The following NPHP4 variants were observed in gnomAD, a reference collection of about 807,000 sequenced individuals.
NPHP4 encodes the protein nephrocystin-4.
In NPHP4, 151 loss-of-function variants were observed where a neutral mutation model predicts 155.8. The observed-to-expected ratio is 0.97, with a 90% CI of 0.85 to 1.11. The LOEUF (loss-of-function observed/expected upper bound fraction) is 1.11, where lower values mean the gene tolerates loss of function less well. NPHP4 is among the 50% of genes least tolerant of loss of function. The probability of loss-of-function intolerance (pLI) is 0.00; values close to 1 mark genes in which losing one functional copy is unlikely to be tolerated. For synonymous variants in NPHP4, 845 were observed against 816.8 expected, an observed-to-expected ratio of 1.03 and a Z score of -0.59; for missense variants, 1,956 against 1,925.7, an observed-to-expected ratio of 1.02 and a Z score of -0.29.
intron 3 of NPHP4, among the ~76,000 whole-genome samples, chr1:5,977,745 C>T (rs1036260092): frequency 6.7e-6 from 1 of 149,054 alleles, no homozygotes; most frequent in South Asian, 2.2e-4. Context: ...ATCCACCTGC[C>T]GGTCTCAAGA....
intron 16 of NPHP4, among the ~76,000 whole-genome samples, chr1:5,895,425 G>A (rs530550166): frequency 2.2e-3 from 334 of 152,218 alleles, no homozygotes; most frequent in African/African-American, 7.3e-3. Context: ...ACTTGAACCC[G>A]GGAGGTGGAG....
chr1:5,985,879 G>T (rs1406496593), intron 2 of NPHP4, among the ~76,000 whole-genome samples: 1 of 152,172 alleles, frequency 6.6e-6, no homozygotes, highest in African/African-American at 2.4e-5. Context: ...GCTTAGCGTG[G>T]CCCAGCTTCA....
At position 5,874,533 on chromosome 1, in the gene NPHP4, C is replaced by A; in HGVS notation, c.3169G>T (p.Glu1057Ter). Residue 1057 changes from glutamate (E) to a stop codon, truncating the protein, a stop_gained, in exon 22 of 30, where the codon GAG (glutamate) becomes TAG (stop). Coordinates refer to ENST00000378156, the MANE Select transcript of NPHP4 (RefSeq NM_015102.5). LOFTEE classifies it high-confidence loss of function. ...AACTTGAAGGGGACGTGGGCGGTCT[C>A]GTGGGGGCGCAGGTAGAGCTGGGGG... Reference protein sequence around the residue: ...LAPQLYLRPHETAHVPFKFQS... With the variant: ...LAPQLYLRPH 1 of 1,594,494 alleles carries A rather than the reference C, an allele frequency of 6.3e-7. No homozygotes were observed. The highest frequency in any genetic ancestry group is 2.3e-5 in the East Asian group (1 of 43,904).
Position 5,969,119 on chromosome 1 carries a change from C to A in NPHP4, c.420G>T (p.Pro140=), listed in dbSNP as rs377403419. 6.4e-7 allele frequency: 1 copy of A among 1,551,022 alleles called. No individual in the cohort carries two copies. Among genetic ancestry groups the A allele is most frequent in the South Asian group, 1.2e-5 (1 of 84,014 alleles). The part of the protein sequence containing the change: ...FGILRIFSNQ[P]DSPISASQDK... ...CCTGGGAAGCAGAGATAGGAGAGTC[C>A]GGCTGGTTGCTGAAGATCCGAAGAA... Residue 140 remains proline, a synonymous_variant, in exon 4 of 30, where the codon CCG becomes CCT. Transcript: ENST00000378156.
At chr1:5,949,144 A>AACAATGATATTCCTAAAACAACT (rs1180914331) in intron 7 of NPHP4, among the ~76,000 whole-genome samples, 3 of 152,238 alleles carry the variant, frequency 2.0e-5, no homozygotes, top group Non-Finnish European at 4.4e-5. Context: ...TATAAAATTC[A>AACAATGATATTCCTAAAACAACT]ACAATGATAT....
At chr1:5,991,095 G>A (rs953203254) in intron 1 of NPHP4, among the ~76,000 whole-genome samples, 1 of 151,628 alleles carries the variant, frequency 6.6e-6, no homozygotes, top group Non-Finnish European at 1.5e-5. Context: ...GTCAGGGTCC[G>A]GGAAGCCTCC....
intron 18 of NPHP4, chr1:5,881,273 C>T (rs1643261591): frequency 6.6e-6 from 1 of 152,250 alleles, no homozygotes; most frequent in Non-Finnish European, 1.5e-5. Flanking sequence ...GTGCAGGCAC[C>T]TGTGGAGGTG....
chr1:5,959,270 T>C (rs1570642296), intron 6 of NPHP4, among the ~76,000 whole-genome samples: 1 of 152,162 alleles, frequency 6.6e-6, no homozygotes, highest in African/African-American at 2.4e-5. Flanking sequence ...TTTGGCACCT[T>C]GGTGACGGGC....
intron 18 of NPHP4, among the ~76,000 whole-genome samples, chr1:5,885,751 C>T (rs891605929): frequency 4.6e-5 from 7 of 152,236 alleles, no homozygotes; most frequent in Non-Finnish European, 7.3e-5. Flanking sequence ...CCAGCACCCA[C>T]GCTGCTAGCA....
Position 5,952,692 on chromosome 1 carries a change from C to T in NPHP4, c.810+8G>A. ...ACCCTGCCCCCCATCACGCTTCTGA[C>T]TCCACACCTCCTGGAAGTGGTCCTG... is the stretch of plus-strand genomic sequence containing the variant. On this transcript the variant is annotated splice_region_variant and intron_variant, in intron 7 of 29. Transcript: ENST00000378156. 1 of 1,539,238 alleles carries T rather than the reference C, an allele frequency of 6.5e-7. No homozygotes were observed. The highest frequency in any genetic ancestry group is 2.5e-5 in the East Asian group (1 of 40,272).
At chr1:5,966,044 C>T (rs1350353959) in intron 5 of NPHP4, among the ~76,000 whole-genome samples, 1 of 152,174 alleles carries the variant, frequency 6.6e-6, no homozygotes, top group East Asian at 1.9e-4. Context: ...CCCTCTGCCC[C>T]TCTCTCGAAG....
chr1:5,863,505 GA>G, intron 29 of NPHP4, 100 bp from the exon 30 acceptor site: 1 of 1,454,300 alleles, frequency 6.9e-7, no homozygotes, highest in Non-Finnish European at 9.5e-7. Flanking sequence ...AAGGGGAGCT[GA>G]CAAGGCAGGG....
chr1:5,953,947 G>C (rs1184970961), intron 6 of NPHP4, among the ~76,000 whole-genome samples: 1 of 151,990 alleles, frequency 6.6e-6, no homozygotes, highest in African/African-American at 2.4e-5. Flanking sequence ...ATTTTTAAAA[G>C]CTAATTTCAA....
At chr1:5,983,894 T>C (rs1655086557) in intron 2 of NPHP4, among the ~76,000 whole-genome samples, 1 of 152,230 alleles carries the variant, frequency 6.6e-6, no homozygotes, top group African/African-American at 2.4e-5. Context: ...TCCACCCTTC[T>C]ACCTGCAACC....
intron 3 of NPHP4, among the ~76,000 whole-genome samples, chr1:5,971,900 A>G (rs1482374500): frequency 6.6e-6 from 1 of 152,280 alleles, no homozygotes; most frequent in African/African-American, 2.4e-5. Flanking sequence ...ACTTATCTGC[A>G]CTGGTCAAGT....
intron 11 of NPHP4, among the ~76,000 whole-genome samples, chr1:5,916,328 C>A (rs1645469215): frequency 6.6e-6 from 1 of 152,034 alleles, no homozygotes; most frequent in African/African-American, 2.4e-5. Flanking sequence ...TCCAAAGGAA[C>A]CATATAAGTT....
chr1:5,909,590 C>T (rs1053156138), intron 11 of NPHP4, among the ~76,000 whole-genome samples: 1 of 152,200 alleles, frequency 6.6e-6, no homozygotes. Flanking sequence ...AGTCTTGCAG[C>T]TCCCTGACTC....
intron 11 of NPHP4, among the ~76,000 whole-genome samples, chr1:5,921,475 C>T (rs1042232405): frequency 1.3e-5 from 2 of 152,222 alleles, no homozygotes; most frequent in South Asian, 4.1e-4. Flanking sequence ...TTATCCACAT[C>T]CTCAGGAACT....
intron 2 of NPHP4, among the ~76,000 whole-genome samples, chr1:5,978,673 G>A (rs575333916): frequency 6.6e-6 from 1 of 152,250 alleles, no homozygotes; most frequent in South Asian, 2.1e-4. Flanking sequence ...AGCCCAGGAC[G>A]CACAAGAGGA....
Sources: gnomAD v4.1 joint callset for allele counts (sites outside exome capture counted in the v4.1 genomes callset) on GRCh38, gnomAD v4.1.1 for gene constraint, MANE v1.5 for transcripts, NCBI Gene and HGNC (gene_info 2026-07-23, HGNC 2026-07-21) for gene names.